RANBP2: variants seen among roughly 807,000 people sequenced by gnomAD.
RANBP2 encodes E3 SUMO-protein ligase RanBP2.
In RANBP2, 57 loss-of-function variants were observed where a neutral mutation model predicts 303.6. That is an observed-to-expected ratio of 0.19 (90% CI 0.15 to 0.23). The LOEUF (loss-of-function observed/expected upper bound fraction) is 0.23, where lower values mean the gene tolerates loss of function less well. Among genes scored for constraint, RANBP2 ranks in the 10% least tolerant of loss-of-function variants. The pLI, the probability that RANBP2 is intolerant of heterozygous loss-of-function variation, is 1.00. For synonymous variants in RANBP2, 1,167 were observed against 1,301.5 expected, an observed-to-expected ratio of 0.90 and a Z score of 2.23; for missense variants, 3,138 against 3,780.8, an observed-to-expected ratio of 0.83 and a Z score of 4.46.
At chr2:109,155,594 C>T in the RANBP2 span, among the ~76,000 whole-genome samples, 1 of 152,164 alleles carries the variant, frequency 6.6e-6, no homozygotes, top group Non-Finnish European at 1.5e-5. Flanking sequence ...AGCCACCGTG[C>T]CTGGCCGGAT....
At chr2:109,702,997 C>T in the RANBP2 span, among the ~76,000 whole-genome samples, 1 of 151,982 alleles carries the variant, frequency 6.6e-6, no homozygotes, top group African/African-American at 2.4e-5. Flanking sequence ...ACAAAAATAG[C>T]AAACAAGGAC....
At chr2:108,906,254 C>T in the RANBP2 span, 2 of 1,596,934 alleles carry the variant, frequency 1.3e-6, no homozygotes, top group South Asian at 2.2e-5. Flanking sequence ...CGGGCCCAGC[C>T]CTTCATGTCG....
chr2:109,146,881 T>TCC, the RANBP2 span, among the ~76,000 whole-genome samples: 5 of 7,800 alleles, frequency 6.4e-4, no homozygotes, highest in African/African-American at 1.3e-3. Flanking sequence ...TCTTCTTTTT[T>TCC]CCCTCCCCCC....
At chr2:108,917,500 A>G in the RANBP2 span, among the ~76,000 whole-genome samples, 1 of 152,342 alleles carries the variant, frequency 6.6e-6, no homozygotes, top group East Asian at 1.9e-4. Flanking sequence ...GTATACATGT[A>G]TGGAAATTTC....
At chr2:109,080,065 A>G in the RANBP2 span, among the ~76,000 whole-genome samples, 2 of 152,232 alleles carry the variant, frequency 1.3e-5, no homozygotes, top group African/African-American at 2.4e-5. Flanking sequence ...TGTGGACTCA[A>G]TGCAGGAAAT....
chr2:108,842,330 C>T, the RANBP2 span, among the ~76,000 whole-genome samples: 3 of 151,972 alleles, frequency 2.0e-5, no homozygotes, highest in Non-Finnish European at 4.4e-5. Context: ...TGAGCCAACC[C>T]ATCTGGCTGA....
the RANBP2 span, among the ~76,000 whole-genome samples, chr2:109,288,426 A>G: frequency 6.6e-6 from 1 of 152,236 alleles, no homozygotes; most frequent in Non-Finnish European, 1.5e-5. Flanking sequence ...TGGATATGCC[A>G]GCTTTAAAAC....
chr2:108,948,440 C>T, the RANBP2 span, among the ~76,000 whole-genome samples: 2 of 152,172 alleles, frequency 1.3e-5, no homozygotes, highest in Non-Finnish European at 2.9e-5. Context: ...CTACCAGTAC[C>T]AATTCTCTGT....
At chr2:109,339,112 A>G in the RANBP2 span, among the ~76,000 whole-genome samples, 2 of 152,188 alleles carry the variant, frequency 1.3e-5, no homozygotes, top group African/African-American at 2.4e-5. Context: ...TGTGGGCTGA[A>G]CAGGAGGAGG....
At chr2:109,110,554 T>C in the RANBP2 span, among the ~76,000 whole-genome samples, 2 of 152,260 alleles carry the variant, frequency 1.3e-5, no homozygotes, top group African/African-American at 4.8e-5. Flanking sequence ...TCCCACCCAC[T>C]GTCTCGGCAA....
chr2:109,712,327 C>T, the RANBP2 span, among the ~76,000 whole-genome samples: 2,053 of 152,326 alleles, frequency 0.013, 54 homozygotes, highest in African/African-American at 0.047. Context: ...TTGCCCTCTC[C>T]AGGCCCTGTG....
the RANBP2 span, chr2:108,931,079 C>T: frequency 2.6e-6 from 4 of 1,549,078 alleles, no homozygotes; most frequent in Non-Finnish European, 3.6e-6. Flanking sequence ...AGCACCCCAG[C>T]CGGGGGTCTG....
At chr2:109,110,993 G>A in the RANBP2 span, among the ~76,000 whole-genome samples, 39 of 152,296 alleles carry the variant, frequency 2.6e-4, 1 homozygote, top group South Asian at 7.0e-3. Flanking sequence ...GGACATGATC[G>A]GAAACCAACT....
In RANBP2 at chr2:108,784,308, G is replaced by T; in HGVS notation, c.*407G>T. 1 of 179,422 alleles carries T rather than the reference G, an allele frequency of 5.6e-6. No homozygotes were observed. The highest frequency in any genetic ancestry group is 1.2e-5 in the Non-Finnish European group (1 of 83,716). 11.1% of individuals were successfully genotyped at this position (179,422 alleles called of 1,614,324 possible). ...CCACAACTTGGATAATTTAATTTTA[G>T]GTTTGAAATATATTTGGTAATCTTA... On this transcript the variant is annotated 3_prime_UTR_variant, in exon 29 of 29. Transcript: ENST00000283195.
the RANBP2 span, among the ~76,000 whole-genome samples, chr2:108,858,039 T>C: frequency 1.3e-5 from 2 of 152,226 alleles, no homozygotes; most frequent in Non-Finnish European, 2.9e-5. Flanking sequence ...TTGTTTACCA[T>C]TGTCCAGGTT....
At chr2:109,025,245 T>C in the RANBP2 span, among the ~76,000 whole-genome samples, 1 of 152,250 alleles carries the variant, frequency 6.6e-6, no homozygotes. Context: ...TGCACTTTGT[T>C]TAACTGTTAA....
the RANBP2 span, among the ~76,000 whole-genome samples, chr2:109,559,973 T>C: frequency 9.1e-3 from 1,284 of 140,838 alleles, 16 homozygotes; most frequent in African/African-American, 0.032. Flanking sequence ...CAGGCTGGAG[T>C]GCAGTGGCAT....
the RANBP2 span, among the ~76,000 whole-genome samples, chr2:109,537,794 A>G: frequency 1.3e-5 from 2 of 152,060 alleles, no homozygotes; most frequent in Non-Finnish European, 1.5e-5. Flanking sequence ...AAAAATGTAA[A>G]ACTTAGCCAG....
chr2:109,607,911 T>C, the RANBP2 span, among the ~76,000 whole-genome samples: 2 of 152,158 alleles, frequency 1.3e-5, no homozygotes, highest in East Asian at 3.9e-4. Context: ...AAGGACTTTC[T>C]ATAAAGTAGA....
Sources: gnomAD v4.1 joint callset for allele counts (sites outside exome capture counted in the v4.1 genomes callset) on GRCh38, gnomAD v4.1.1 for gene constraint, MANE v1.5 for transcripts, NCBI Gene and HGNC (gene_info 2026-07-23, HGNC 2026-07-21) for gene names.